Variants in ARHGEF10L observed in about 807,000 individuals in gnomAD.
The protein encoded by ARHGEF10L is rho guanine nucleotide exchange factor 10-like protein.
A neutral mutation model predicts 141.2 loss-of-function variants in ARHGEF10L; 69 were observed. That is an observed-to-expected ratio of 0.49 (90% confidence interval 0.40 to 0.60). The LOEUF is 0.60. Among genes scored for constraint, ARHGEF10L ranks in the 20% least tolerant of loss-of-function variants. ARHGEF10L has a pLI of 0.00. For missense variants in ARHGEF10L, 1,482 were observed against 1,734.3 expected (o/e 0.85, Z 2.58); for synonymous variants, 711 against 718.5 (o/e 0.99, Z 0.17).
intron 4 of ARHGEF10L, among the ~76,000 whole-genome samples, chr1:17,588,880 G>GTGTCTGTGTGTGTC (rs1553181484): frequency 1.3e-5 from 1 of 74,504 alleles, no homozygotes; most frequent in African/African-American, 6.8e-5. Context: ...GTGTGTGTGT[G>GTGTCTGTGTGTGTC]TGTGTGTGTG....
intron 26 of ARHGEF10L, among the ~76,000 whole-genome samples, chr1:17,667,569 C>T (rs2063064434): frequency 6.6e-6 from 1 of 152,202 alleles, no homozygotes; most frequent in African/African-American, 2.4e-5. Context: ...TGGGGCACAC[C>T]AGGTAGGAGG....
rs948560878 is a variant in ARHGEF10L at position 17,654,787 on chromosome 1, T to G, written c.2481+65T>G. On this transcript the variant is annotated intron_variant, in intron 23 of 28. Transcript: ENST00000361221. The surrounding 1 kb of genome is among the most constrained non-coding windows in gnomAD (Gnocchi z 4.3). ...GGACAGGAGTAGGGAGAGCGGCACC[T>G]GGGAGGGGGTGCTGGAGACAGCAGC... is the stretch of plus-strand genomic sequence containing the variant. 5 of 1,444,724 alleles carry G rather than the reference T, an allele frequency of 3.5e-6. No homozygotes were observed. The highest frequency in any genetic ancestry group is 4.8e-6 in the Non-Finnish European group (5 of 1,033,088). 89.5% of individuals were successfully genotyped at this position (1,444,724 alleles called of 1,614,324 possible). A position where few individuals can be genotyped will look rare whatever the true frequency, so the allele number is the denominator to read the frequency against.
intron 1 of ARHGEF10L, among the ~76,000 whole-genome samples, chr1:17,553,187 A>G (rs950846673): frequency 6.6e-6 from 1 of 152,150 alleles, no homozygotes; most frequent in African/African-American, 2.4e-5. Flanking sequence ...CTGGACTGGG[A>G]GCCAGTTGCC....
intron 25 of ARHGEF10L, among the ~76,000 whole-genome samples, chr1:17,663,027 C>A (rs1370903112): frequency 6.6e-6 from 1 of 152,056 alleles, no homozygotes; most frequent in Non-Finnish European, 1.5e-5. Flanking sequence ...TCCTCTTCAA[C>A]CCCCCTTTCC....
intron 25 of ARHGEF10L, among the ~76,000 whole-genome samples, chr1:17,662,920 C>T (rs1028968950): frequency 6.6e-6 from 1 of 152,098 alleles, no homozygotes. Flanking sequence ...CTGACAAGCT[C>T]ACAGCTAGCT....
rs889197740 is a variant in ARHGEF10L, at chr1:17,603,173, C to T, written c.350-335C>T. The stretch of plus-strand genomic sequence containing the variant: ...CCGGGGTCCTGGGTGACTGAGGATG[C>T]TAGGGCCAGGGCACAGGTGCTGGAC... On this transcript the variant is annotated intron_variant, in intron 5 of 28. Transcript: ENST00000361221. This position sits in a 1 kb window ranked among gnomAD's most constrained non-coding sequence, Gnocchi z 4.8. Among the ~76,000 whole-genome samples, 4 of 151,914 alleles carry T rather than the reference C, an allele frequency of 2.6e-5. No individual in the cohort carries two copies. Among genetic ancestry groups the T allele is most frequent in the African/African-American group, 7.3e-5 (3 of 41,336 alleles).
At chr1:17,676,390 G>A (rs2063721952) in intron 26 of ARHGEF10L, among the ~76,000 whole-genome samples, 1 of 151,120 alleles carries the variant, frequency 6.6e-6, no homozygotes. Context: ...GTAGATGCAG[G>A]TGTGGGTACA....
chr1:17,572,102 C>G (rs2078025917), intron 1 of ARHGEF10L, among the ~76,000 whole-genome samples: 1 of 152,220 alleles, frequency 6.6e-6, no homozygotes, highest in Non-Finnish European at 1.5e-5. Context: ...GGATGGGCAG[C>G]AATTCTGAGA....
intron 1 of ARHGEF10L, among the ~76,000 whole-genome samples, chr1:17,572,148 G>A (rs1557722495): frequency 6.6e-6 from 1 of 152,216 alleles, no homozygotes. Context: ...GACCCAGCCC[G>A]AATTCTTTGC....
At chr1:17,696,362 C>A (rs1398737807) in intron 28 of ARHGEF10L, among the ~76,000 whole-genome samples, 2 of 152,100 alleles carry the variant, frequency 1.3e-5, no homozygotes, top group Non-Finnish European at 2.9e-5. Flanking sequence ...CGGGCAGAGA[C>A]CCTGCTCTCA....
chr1:17,606,600 C>CTT (rs35330278), intron 6 of ARHGEF10L, among the ~76,000 whole-genome samples: 1 of 144,064 alleles, frequency 6.9e-6, no homozygotes. Context: ...AGTCAGATTC[C>CTT]TTTTTTTTTT....
chr1:17,571,555 A>G (rs1015873862), intron 1 of ARHGEF10L, among the ~76,000 whole-genome samples: 1 of 152,044 alleles, frequency 6.6e-6, no homozygotes, highest in African/African-American at 2.4e-5. Context: ...CTTTTTTGAG[A>G]TGGAGTCTTG....
chr1:17,696,553 C>T (rs948425940), intron 28 of ARHGEF10L, among the ~76,000 whole-genome samples: 6 of 152,056 alleles, frequency 3.9e-5, no homozygotes, highest in African/African-American at 1.4e-4. Context: ...ATCAAGTAGA[C>T]AGGAAAGGAT....
chr1:17,632,983 C>T (rs533319233), intron 16 of ARHGEF10L, among the ~76,000 whole-genome samples: 8 of 152,328 alleles, frequency 5.3e-5, no homozygotes, highest in Non-Finnish European at 7.3e-5. Flanking sequence ...GCCTGGGAGC[C>T]GGAGCCCTGG....
intron 15 of ARHGEF10L, among the ~76,000 whole-genome samples, chr1:17,629,236 A>G (rs2101632862): frequency 6.7e-6 from 1 of 149,088 alleles, no homozygotes; most frequent in South Asian, 2.1e-4. Context: ...TATGATGCCC[A>G]GGCTGGTCTC....
chr1:17,560,023 C>T (rs1175958596), intron 1 of ARHGEF10L, among the ~76,000 whole-genome samples: 1 of 152,162 alleles, frequency 6.6e-6, no homozygotes, highest in Non-Finnish European at 1.5e-5. Flanking sequence ...AACCCACACG[C>T]ATAGCTCCAA....
intron 4 of ARHGEF10L, among the ~76,000 whole-genome samples, chr1:17,596,366 G>A (rs532036118): frequency 4.9e-4 from 74 of 152,298 alleles, no homozygotes; most frequent in African/African-American, 1.5e-3. Context: ...TTTCCGAGGC[G>A]GGCGGTGACA....
Position 17,603,886 on chromosome 1 carries a change from C to T in ARHGEF10L, c.433+295C>T, listed in dbSNP as rs555065908. 1.3e-5 allele frequency among the ~76,000 whole-genome samples: 2 copies of T among 152,344 alleles called. No homozygotes were observed. The highest frequency in any genetic ancestry group is 2.1e-4 in the South Asian group (1 of 4,832). On this transcript the variant is annotated intron_variant, in intron 6 of 28. Transcript: ENST00000361221. The surrounding 1 kb of genome is among the most constrained non-coding windows in gnomAD (Gnocchi z 4.8). ...CCTCCTTCAGGAAAATGGGGCCATA[C>T]CCCAGGCTTTCTGGGGCTGTTGGGG...
intron 26 of ARHGEF10L, among the ~76,000 whole-genome samples, chr1:17,680,760 TA>T (rs2064065971): frequency 1.3e-5 from 2 of 150,312 alleles, no homozygotes; most frequent in Non-Finnish European, 1.5e-5. Context: ...TTTTTTTTTT[TA>T]AATTACTTTG....
Sources: gnomAD v4.1 joint callset for allele counts (sites outside exome capture counted in the v4.1 genomes callset) on GRCh38, gnomAD v4.1.1 for gene constraint, Gnocchi (gnomAD v3.1) non-coding constraint, MANE v1.5 for transcripts, NCBI Gene and HGNC (gene_info 2026-07-23, HGNC 2026-07-21) for gene names.